Variants in SLCO3A1 observed in about 807,000 individuals in gnomAD.
SLCO3A1 encodes solute carrier organic anion transporter family member 3A1.
In SLCO3A1, 27 loss-of-function variants were observed where a neutral mutation model predicts 63.1. The observed-to-expected ratio is 0.43, with a 90% CI of 0.32 to 0.59. The LOEUF (loss-of-function observed/expected upper bound fraction) is 0.59, where lower values mean the gene tolerates loss of function less well. SLCO3A1 is among the 20% of genes least tolerant of loss of function. SLCO3A1 has a pLI of 0.09. For synonymous variants in SLCO3A1, 473 were observed against 409.9 expected (o/e 1.15, Z -1.86); for missense variants, 773 against 945.8 (o/e 0.82, Z 2.40).
chr15:91,906,072 G>T (rs374112493), intron 1 of SLCO3A1, among the ~76,000 whole-genome samples: 2 of 152,200 alleles, frequency 1.3e-5, no homozygotes, highest in African/African-American at 2.4e-5. Flanking sequence ...CTGGGCTCAG[G>T]TTCCTCATCT....
At chr15:91,980,034 T>G (rs1249432196) in intron 2 of SLCO3A1, among the ~76,000 whole-genome samples, 2 of 152,204 alleles carry the variant, frequency 1.3e-5, no homozygotes, top group Non-Finnish European at 2.9e-5. Context: ...TTTGGTGCAT[T>G]AGAAATATTC....
At chr15:92,105,923 G>C (rs1055740964) in intron 4 of SLCO3A1, among the ~76,000 whole-genome samples, 1 of 148,690 alleles carries the variant, frequency 6.7e-6, no homozygotes, top group African/African-American at 2.6e-5. Context: ...GCCTTCTATA[G>C]AGATGCTAGA....
At chr15:91,871,768 T>TTTG (rs1196125959) in intron 1 of SLCO3A1, among the ~76,000 whole-genome samples, 5 of 140,386 alleles carry the variant, frequency 3.6e-5, no homozygotes, top group African/African-American at 8.7e-5. Context: ...TTTTTTGGTT[T>TTTG]TTTTTTTTTT....
At chr15:92,005,502 T>TG (rs1224570150) in intron 2 of SLCO3A1, among the ~76,000 whole-genome samples, 1 of 152,226 alleles carries the variant, frequency 6.6e-6, no homozygotes, top group Admixed American at 6.5e-5. Context: ...ACCTTGCTGT[T>TG]GCTGTCCAGG....
intron 1 of SLCO3A1, among the ~76,000 whole-genome samples, chr15:91,868,550 T>C (rs1897223294): frequency 6.6e-6 from 1 of 152,176 alleles, no homozygotes; most frequent in African/African-American, 2.4e-5. Flanking sequence ...TCTACCTGCA[T>C]TGATGCGTGA....
chr15:92,017,544 A>G (rs529858738), intron 2 of SLCO3A1, among the ~76,000 whole-genome samples: 9 of 152,058 alleles, frequency 5.9e-5, no homozygotes, highest in African/African-American at 2.2e-4. Context: ...AGAGGTGGAT[A>G]TTTAGGGGAA....
chr15:91,872,056 G>T lies in SLCO3A1; in HGVS notation c.180+17968G>T, dbSNP rs562915022. ...ACAAAATGGGATGATGAGTTCAAGG[G>T]ATTGGTCACAAAAGATGTGGGGAGT... On this transcript the variant is annotated intron_variant, in intron 1 of 9. Transcript: ENST00000318445. The surrounding 1 kb of genome is among the most constrained non-coding windows in gnomAD (Gnocchi z 4.1). 1.3e-5 allele frequency among the ~76,000 whole-genome samples: 2 copies of T among 152,112 alleles called. No homozygotes were observed. Among genetic ancestry groups the T allele is most frequent in the African/African-American group, 4.8e-5 (2 of 41,412 alleles).
chr15:92,104,187 G>T, intron 3 of SLCO3A1, 92 bp from the exon 4 acceptor site: 2 of 1,433,302 alleles, frequency 1.4e-6, no homozygotes, highest in Non-Finnish European at 1.9e-6. Context: ...TAGAGCCCTT[G>T]CCCTCTCTGT....
At chr15:91,958,447 C>T (rs558565386) in intron 2 of SLCO3A1, among the ~76,000 whole-genome samples, 70 of 152,274 alleles carry the variant, frequency 4.6e-4, no homozygotes, top group African/African-American at 1.5e-3. Flanking sequence ...GTTTGAATGC[C>T]GCCTCTCCCA....
intron 7 of SLCO3A1, among the ~76,000 whole-genome samples, chr15:92,133,506 A>G (rs2048021227): frequency 6.9e-6 from 1 of 145,552 alleles, no homozygotes; most frequent in Non-Finnish European, 1.5e-5. Context: ...GCAAAGCTTT[A>G]TCTGTATTTA....
rs550962839 is a variant in SLCO3A1 at position 91,994,862 on chromosome 15, C to T, written c.646+78404C>T. 1.3e-4 allele frequency among the ~76,000 whole-genome samples: 20 copies of T among 152,336 alleles called. No homozygotes were observed. In the East Asian group the frequency reaches 3.5e-3, roughly 26 times the overall value. ...CTGTCCTCTGTAGGGCCCCTGCAGA[C>T]ATGGGCCTTGCCTGGATGCTGCTGC... On this transcript the variant is annotated intron_variant, in intron 2 of 9. Transcript: ENST00000318445.
intron 2 of SLCO3A1, among the ~76,000 whole-genome samples, chr15:92,032,180 G>A (rs547086735): frequency 6.6e-6 from 1 of 152,300 alleles, no homozygotes; most frequent in South Asian, 2.1e-4. Context: ...AGTTCTCTAA[G>A]AAAAGGCTGG....
At chr15:92,134,042 G>C (rs28688191) in intron 7 of SLCO3A1, among the ~76,000 whole-genome samples, 1 of 152,158 alleles carries the variant, frequency 6.6e-6, no homozygotes, top group African/African-American at 2.4e-5. Context: ...TTGGAAGATA[G>C]CTATCATGGG....
chr15:92,072,182 A>G (rs1397976941), intron 2 of SLCO3A1, among the ~76,000 whole-genome samples: 3 of 150,856 alleles, frequency 2.0e-5, no homozygotes, highest in Admixed American at 6.6e-5. Context: ...TGATAAGCGT[A>G]ACCACCATTC....
chr15:92,047,745 C>G (rs1056384054), intron 2 of SLCO3A1, among the ~76,000 whole-genome samples: 1 of 147,078 alleles, frequency 6.8e-6, no homozygotes, highest in East Asian at 2.0e-4. Context: ...AATCGTTCAT[C>G]CTTTACATCT....
chr15:91,927,736 T>C (rs1485170704), intron 2 of SLCO3A1, among the ~76,000 whole-genome samples: 1 of 152,196 alleles, frequency 6.6e-6, no homozygotes, highest in Admixed American at 6.5e-5. Flanking sequence ...CATAAGAACA[T>C]TCACGTTTGC....
At chr15:92,096,900 C>G (rs1361646508) in intron 3 of SLCO3A1, among the ~76,000 whole-genome samples, 1 of 152,166 alleles carries the variant, frequency 6.6e-6, no homozygotes, top group African/African-American at 2.4e-5. Flanking sequence ...CCCTTTGAAC[C>G]CGTTTCCTAG....
rs979694449 is a variant in SLCO3A1, at chr15:91,912,190, C to T, written c.181-3803C>T. On this transcript the variant is annotated intron_variant, in intron 1 of 9. Coordinates refer to ENST00000318445, the MANE Select transcript of SLCO3A1 (RefSeq NM_013272.4). The surrounding 1 kb of genome is among the most constrained non-coding windows in gnomAD (Gnocchi z 5.0). ...TCATTCCCTTCCACATGCTCTTCCT[C>T]AGGCTGGGTTGTTCACTGCCACATA... is the stretch of plus-strand genomic sequence containing the variant. Among the ~76,000 whole-genome samples the T allele has an allele frequency of 2.6e-5, 4 of 152,200 alleles. No individual in the cohort carries two copies. Among genetic ancestry groups the T allele is most frequent in the African/African-American group, 9.7e-5 (4 of 41,448 alleles).
chr15:92,065,561 A>G (rs1398141245), intron 2 of SLCO3A1, among the ~76,000 whole-genome samples: 1 of 152,154 alleles, frequency 6.6e-6, no homozygotes, highest in African/African-American at 2.4e-5. Flanking sequence ...CTGCAAGGAA[A>G]AAAGGAGGCT....
Sources: allele counts gnomAD v4.1 joint callset (sites outside exome capture counted in the v4.1 genomes callset), GRCh38; gene constraint gnomAD v4.1.1; non-coding constraint Gnocchi (gnomAD v3.1); transcripts MANE v1.5; gene names NCBI Gene and HGNC (gene_info 2026-07-23, HGNC 2026-07-21).